The following GALNT17 variants were observed in gnomAD, a reference collection of about 807,000 sequenced individuals.
GALNT17 encodes the protein polypeptide N-acetylgalactosaminyltransferase 17, also known as UDP-GalNAc:polypeptide N-acetylgalactosaminyltransferase-like 3.
Under a neutral mutation model 63.7 loss-of-function variants are expected in GALNT17, and 29 were observed. That is an observed-to-expected ratio of 0.46 (90% CI 0.34 to 0.62). The LOEUF is 0.62. Ranked by LOEUF, GALNT17 falls within the 20% of genes least tolerant of loss-of-function variation. The pLI is 0.01. For missense variants in GALNT17, 603 were observed against 799.6 expected, an observed-to-expected ratio of 0.75 and a Z score of 2.97; for synonymous variants, 305 against 318.3, an observed-to-expected ratio of 0.96 and a Z score of 0.45.
At chr7:71,613,775 G>A (rs1456485487) in intron 6 of GALNT17, among the ~76,000 whole-genome samples, 4 of 150,910 alleles carry the variant, frequency 2.7e-5, no homozygotes, top group African/African-American at 7.3e-5. Flanking sequence ...GAAACATAGC[G>A]AGACCCCATC....
intron 1 of GALNT17, among the ~76,000 whole-genome samples, chr7:71,218,621 AG>A (rs907790361): frequency 6.6e-6 from 1 of 152,032 alleles, no homozygotes; most frequent in Admixed American, 6.6e-5. Context: ...GCAGGAGGTG[AG>A]TGGTGGCAAG....
intron 1 of GALNT17, among the ~76,000 whole-genome samples, chr7:71,153,631 C>A (rs1788174448): frequency 6.6e-6 from 1 of 152,110 alleles, no homozygotes; most frequent in African/African-American, 2.4e-5. Flanking sequence ...AATGTATCTA[C>A]AGGCCAGGAG....
At chr7:71,348,451 T>A (rs1407466560) in intron 2 of GALNT17, among the ~76,000 whole-genome samples, 1 of 152,184 alleles carries the variant, frequency 6.6e-6, no homozygotes, top group Non-Finnish European at 1.5e-5. Context: ...CCCCTCTGTT[T>A]CTTTCTAGAG....
chr7:71,221,641 A>G (rs1402454699), intron 1 of GALNT17, among the ~76,000 whole-genome samples: 2 of 152,196 alleles, frequency 1.3e-5, no homozygotes, highest in Non-Finnish European at 2.9e-5. Flanking sequence ...TTGATAGTGC[A>G]GTGGTCAGGC....
chr7:71,356,530 A>G (rs1792289368), intron 2 of GALNT17, among the ~76,000 whole-genome samples: 1 of 152,160 alleles, frequency 6.6e-6, no homozygotes, highest in Admixed American at 6.5e-5. Flanking sequence ...CAGAGATTGC[A>G]TGGTGAGAGT....
intron 1 of GALNT17, among the ~76,000 whole-genome samples, chr7:71,269,371 G>A (rs1335596717): frequency 2.6e-5 from 4 of 152,208 alleles, no homozygotes; most frequent in Admixed American, 1.3e-4. Context: ...GGAGGCTTAG[G>A]TGGGAGGATC....
intron 6 of GALNT17, among the ~76,000 whole-genome samples, chr7:71,608,735 C>T (rs1393613018): frequency 6.6e-6 from 1 of 151,840 alleles, no homozygotes; most frequent in Non-Finnish European, 1.5e-5. Context: ...GAAGAAGAGA[C>T]CGAAAAACCA....
intron 5 of GALNT17, among the ~76,000 whole-genome samples, chr7:71,545,079 A>G (rs762540766): frequency 6.6e-6 from 1 of 152,066 alleles, no homozygotes; most frequent in Non-Finnish European, 1.5e-5. Context: ...TCCAACTTTC[A>G]TATTTTATAT....
intron 6 of GALNT17, among the ~76,000 whole-genome samples, chr7:71,623,801 A>G (rs921163224): frequency 3.3e-5 from 5 of 152,154 alleles, no homozygotes; most frequent in Admixed American, 2.0e-4. Flanking sequence ...GTGTGCATGC[A>G]TGTGTACACA....
intron 1 of GALNT17, among the ~76,000 whole-genome samples, chr7:71,187,786 G>A (rs1788878908): frequency 1.3e-5 from 2 of 152,002 alleles, no homozygotes; most frequent in South Asian, 2.1e-4. Context: ...GTGGTATTTG[G>A]TTCCATGAGT....
intron 5 of GALNT17, among the ~76,000 whole-genome samples, chr7:71,434,545 G>A (rs1786924937): frequency 1.3e-5 from 2 of 152,210 alleles, no homozygotes; most frequent in South Asian, 4.1e-4. Context: ...CAGTGAAGAA[G>A]ATAGACATTC....
chr7:71,458,882 G>A (rs1390500281), intron 5 of GALNT17, among the ~76,000 whole-genome samples: 3 of 152,102 alleles, frequency 2.0e-5, no homozygotes, highest in African/African-American at 7.2e-5. Context: ...GTTTATATGG[G>A]TACAGGGTAG....
intron 1 of GALNT17, among the ~76,000 whole-genome samples, chr7:71,301,433 CAT>C (rs1318063458): frequency 1.9e-4 from 27 of 144,532 alleles, no homozygotes; most frequent in Admixed American, 2.8e-4. Context: ...AAATATATAA[CAT>C]ATATTTTAAA....
intron 1 of GALNT17, among the ~76,000 whole-genome samples, chr7:71,165,486 G>C (rs575870556): frequency 6.6e-6 from 1 of 152,082 alleles, no homozygotes; most frequent in African/African-American, 2.4e-5. Context: ...AGAGAAGAGA[G>C]TTTGTGCAGG....
chr7:71,681,617 T>C (rs977053178), intron 9 of GALNT17, among the ~76,000 whole-genome samples: 2 of 152,200 alleles, frequency 1.3e-5, no homozygotes, highest in East Asian at 3.9e-4. Flanking sequence ...CTGTGCCGGA[T>C]CATCCTTTTA....
chr7:71,373,869 C>T (rs1422956673), intron 2 of GALNT17, among the ~76,000 whole-genome samples: 2 of 152,144 alleles, frequency 1.3e-5, no homozygotes, highest in African/African-American at 4.8e-5. Flanking sequence ...TAAAATCTAA[C>T]CACACGTTTC....
At chr7:71,194,381 C>T (rs1200041751) in intron 1 of GALNT17, among the ~76,000 whole-genome samples, 1 of 152,060 alleles carries the variant, frequency 6.6e-6, no homozygotes, top group Non-Finnish European at 1.5e-5. Flanking sequence ...CATTTTTTTC[C>T]CTACCTGGGA....
intron 5 of GALNT17, among the ~76,000 whole-genome samples, chr7:71,567,217 G>C (rs1789363636): frequency 6.6e-6 from 1 of 152,172 alleles, no homozygotes; most frequent in Non-Finnish European, 1.5e-5. Flanking sequence ...CAAGAGCTGG[G>C]AGGAAATGAT....
intron 5 of GALNT17, among the ~76,000 whole-genome samples, chr7:71,567,970 G>A (rs1789376885): frequency 6.6e-6 from 1 of 152,188 alleles, no homozygotes; most frequent in South Asian, 2.1e-4. Context: ...TCGAAGTCAA[G>A]TTAGAAGTCA....
Sources: gnomAD v4.1 joint callset for allele counts (sites outside exome capture counted in the v4.1 genomes callset) on GRCh38, gnomAD v4.1.1 for gene constraint, MANE v1.5 for transcripts, NCBI Gene and HGNC (gene_info 2026-07-23, HGNC 2026-07-21) for gene names.